Variants in FHIT observed in about 807,000 individuals in gnomAD.
The protein encoded by FHIT is fragile histidine triad diadenosine triphosphatase, also known as bis(5'-adenosyl)-triphosphatase.
In FHIT, 19 loss-of-function variants were observed where a neutral mutation model predicts 17.9. The ratio of observed to expected loss-of-function variants is 1.06; its 90% CI spans 0.74 to 1.56. The LOEUF (loss-of-function observed/expected upper bound fraction) is 1.56. FHIT is among the 40% of genes most tolerant of loss of function. The pLI, the probability that FHIT is intolerant of heterozygous loss-of-function variation, is 0.00. For missense variants in FHIT, 248 were observed against 189.2 expected (o/e 1.31, Z -1.82); for synonymous variants, 81 against 69.7 (o/e 1.16, Z -0.81).
At chr3:60,191,636 A>C (rs950696831) in intron 5 of FHIT, among the ~76,000 whole-genome samples, 1 of 152,208 alleles carries the variant, frequency 6.6e-6, no homozygotes, top group Admixed American at 6.5e-5. Context: ...TCATGAGGCC[A>C]GATGAATTAA....
chr3:59,918,533 C>A (rs530860610), intron 8 of FHIT, among the ~76,000 whole-genome samples: 1 of 152,160 alleles, frequency 6.6e-6, no homozygotes, highest in Admixed American at 6.5e-5. Flanking sequence ...TCACCTGGGG[C>A]CAGAGCACTG....
At chr3:60,948,602 G>A (rs1708738138) in intron 3 of FHIT, among the ~76,000 whole-genome samples, 1 of 152,276 alleles carries the variant, frequency 6.6e-6, no homozygotes, top group South Asian at 2.1e-4. Flanking sequence ...TAGGTGAATG[G>A]ATTGCTTAAA....
At chr3:60,488,181 C>T (rs1396809301) in intron 5 of FHIT, among the ~76,000 whole-genome samples, 1 of 152,170 alleles carries the variant, frequency 6.6e-6, no homozygotes, top group Non-Finnish European at 1.5e-5. Context: ...GCAGCAGGGA[C>T]CTGCTAAACA....
chr3:59,921,003 G>A (rs1415144826), intron 8 of FHIT, among the ~76,000 whole-genome samples: 1 of 152,136 alleles, frequency 6.6e-6, no homozygotes, highest in African/African-American at 2.4e-5. Context: ...AATCTCCAGC[G>A]ACGGGACCTC....
At chr3:60,372,364 T>A (rs1700364062) in intron 5 of FHIT, among the ~76,000 whole-genome samples, 1 of 152,156 alleles carries the variant, frequency 6.6e-6, no homozygotes, top group South Asian at 2.1e-4. Context: ...CTATAGGACA[T>A]CATTGGAAGG....
intron 3 of FHIT, among the ~76,000 whole-genome samples, chr3:60,967,346 A>T (rs1025306694): frequency 6.6e-6 from 1 of 152,188 alleles, no homozygotes; most frequent in African/African-American, 2.4e-5. Flanking sequence ...CAAACAAAAC[A>T]ATGTGAAATA....
At chr3:60,288,036 A>T (rs1211698121) in intron 5 of FHIT, among the ~76,000 whole-genome samples, 3 of 152,160 alleles carry the variant, frequency 2.0e-5, no homozygotes, top group Non-Finnish European at 4.4e-5. Context: ...GTCTCTGGGA[A>T]ACTGGAGTCA....
chr3:60,724,795 C>T (rs1350107370), intron 4 of FHIT, among the ~76,000 whole-genome samples: 2 of 151,682 alleles, frequency 1.3e-5, no homozygotes, highest in Non-Finnish European at 2.9e-5. Context: ...ATTACAGGCA[C>T]GCCCCACCAT....
chr3:61,113,039 T>C (rs1038365494), intron 2 of FHIT, among the ~76,000 whole-genome samples: 1 of 152,102 alleles, frequency 6.6e-6, no homozygotes, highest in Non-Finnish European at 1.5e-5. Context: ...AGTCTTTCTC[T>C]CTTATCTGGG....
chr3:59,988,736 G>A (rs1575829118), intron 7 of FHIT, among the ~76,000 whole-genome samples: 1 of 152,092 alleles, frequency 6.6e-6, no homozygotes, highest in Non-Finnish European at 1.5e-5. Flanking sequence ...GATCAAGGAC[G>A]ACTTCCCTGT....
At chr3:60,267,357 A>T (rs1405250705) in intron 5 of FHIT, among the ~76,000 whole-genome samples, 4 of 152,120 alleles carry the variant, frequency 2.6e-5, no homozygotes, top group Non-Finnish European at 4.4e-5. Flanking sequence ...TGCAAATTGC[A>T]TAATGTAATG....
At chr3:60,557,923 C>T (rs1429834331) in intron 4 of FHIT, among the ~76,000 whole-genome samples, 2 of 152,062 alleles carry the variant, frequency 1.3e-5, no homozygotes, top group Non-Finnish European at 2.9e-5. Context: ...GTAACCCATA[C>T]ATTTGCACCC....
intron 4 of FHIT, among the ~76,000 whole-genome samples, chr3:60,719,515 A>AT (rs1332176272): frequency 5.9e-5 from 9 of 152,256 alleles, no homozygotes; most frequent in African/African-American, 2.2e-4. Flanking sequence ...CAAGGTTCAC[A>AT]TGCAGGCTCC....
At chr3:59,930,861 G>C (rs988944131) in intron 7 of FHIT, among the ~76,000 whole-genome samples, 2 of 152,076 alleles carry the variant, frequency 1.3e-5, no homozygotes, top group Non-Finnish European at 2.9e-5. Flanking sequence ...TTGTGTTCCA[G>C]TGCTTTCTAC....
chr3:61,225,223 T>A (rs181577678), intron 1 of FHIT, among the ~76,000 whole-genome samples: 1 of 152,316 alleles, frequency 6.6e-6, no homozygotes, highest in Admixed American at 6.5e-5. Flanking sequence ...GACCACCAGA[T>A]GCTTATTCAA....
intron 5 of FHIT, among the ~76,000 whole-genome samples, chr3:60,355,489 C>G (rs941166470): frequency 6.6e-6 from 1 of 150,652 alleles, no homozygotes; most frequent in African/African-American, 2.4e-5. Context: ...AAAAAAAAAG[C>G]AAAGCAAGAA....
chr3:60,753,492 A>G (rs2042510342), intron 4 of FHIT, among the ~76,000 whole-genome samples: 2 of 152,324 alleles, frequency 1.3e-5, no homozygotes, highest in African/African-American at 4.8e-5. Context: ...CACATCCCCC[A>G]GGTAAGGGAG....
chr3:60,718,966 A>T (rs1553707434), intron 4 of FHIT, among the ~76,000 whole-genome samples: 1 of 152,158 alleles, frequency 6.6e-6, no homozygotes, highest in African/African-American at 2.4e-5. Context: ...CCAGGGAAAT[A>T]TTGATACAGA....
At chr3:60,639,499 C>T (rs1577013276) in intron 4 of FHIT, among the ~76,000 whole-genome samples, 1 of 152,038 alleles carries the variant, frequency 6.6e-6, no homozygotes, top group Non-Finnish European at 1.5e-5. Flanking sequence ...AAAGGGCCAT[C>T]GTAAATGCCC....
Sources: allele counts gnomAD v4.1 joint callset (sites outside exome capture counted in the v4.1 genomes callset), GRCh38; gene constraint gnomAD v4.1.1; transcripts MANE v1.5; gene names NCBI Gene and HGNC (gene_info 2026-07-23, HGNC 2026-07-21).